The following ENTPD5 variants were observed in gnomAD, a reference collection of about 807,000 sequenced individuals.
ENTPD5 encodes the protein ectonucleoside triphosphate diphosphohydrolase 5 (inactive).
ENTPD5 carries 49 observed loss-of-function variants against 60.2 expected under a neutral mutation model. That is an observed-to-expected ratio of 0.81 (90% confidence interval 0.65 to 1.03). The LOEUF (loss-of-function observed/expected upper bound fraction) is 1.03, where lower values mean the gene tolerates loss of function less well. ENTPD5 is among the 50% of genes least tolerant of loss of function. The probability of loss-of-function intolerance (pLI) is 0.00; values close to 1 mark genes in which losing one functional copy is unlikely to be tolerated. For synonymous variants in ENTPD5, 187 were observed against 185.4 expected (o/e 1.01, Z -0.07); for missense variants, 480 against 507.6 (o/e 0.95, Z 0.52).
At chr14:73,989,781 C>A (rs565762025) in intron 3 of ENTPD5, among the ~76,000 whole-genome samples, 4 of 140,034 alleles carry the variant, frequency 2.9e-5, no homozygotes, top group African/African-American at 1.1e-4. Context: ...TGTAGCGAGC[C>A]GAGATCGTGC....
At chr14:73,971,964 A>G in intron 13 of ENTPD5, 56 bp from the exon 14 acceptor site, 1 of 1,044,096 alleles carries the variant, frequency 9.6e-7, no homozygotes, top group Non-Finnish European at 1.5e-6. Context: ...AAGCATAAGG[A>G]AATTCATTCA....
chr14:74,008,598 T>G lies in ENTPD5; in HGVS notation c.-71+2493A>C, dbSNP rs559275344. ...TTTTAGTAGAGACGGGGTTTCACAGTGTTAGCCAGGAGGGTCTCGATCTCC... is the reference window on the plus strand; with the variant it reads ...TTTTAGTAGAGACGGGGTTTCACAGGGTTAGCCAGGAGGGTCTCGATCTCC... On this transcript the variant is annotated intron_variant, in intron 3 of 15. Coordinates refer to ENST00000334696, the MANE Select transcript of ENTPD5 (RefSeq NM_001249.5). 5.3e-5 allele frequency among the ~76,000 whole-genome samples: 8 copies of G among 152,144 alleles called. No individual in the cohort carries two copies. The East Asian group carries it at 1.6e-3, about 29-fold the overall frequency.
At chr14:73,993,028 A>G (rs756183571) in intron 3 of ENTPD5, among the ~76,000 whole-genome samples, 8 of 152,092 alleles carry the variant, frequency 5.3e-5, no homozygotes, top group Non-Finnish European at 7.3e-5. Flanking sequence ...AACAAAGTTA[A>G]CTATATTTGG....
At chr14:73,996,003 A>T in intron 3 of ENTPD5, 1 of 238,404 alleles carries the variant, frequency 4.2e-6, no homozygotes, top group Non-Finnish European at 6.8e-6. Context: ...AATCCTCCCC[A>T]CTCAGCTTTC....
intron 3 of ENTPD5, among the ~76,000 whole-genome samples, chr14:73,988,549 T>C (rs746437283): frequency 3.3e-5 from 5 of 152,226 alleles, no homozygotes; most frequent in Non-Finnish European, 7.3e-5. Context: ...CTAGCTACTT[T>C]GAAATACACA....
At chr14:73,972,584 TG>T (rs1451503044) in intron 13 of ENTPD5, among the ~76,000 whole-genome samples, 1 of 152,172 alleles carries the variant, frequency 6.6e-6, no homozygotes, top group African/African-American at 2.4e-5. Context: ...ATCTTCAATG[TG>T]CTGATGGATT....
At chr14:73,974,589 T>C (rs990015983) in intron 11 of ENTPD5, among the ~76,000 whole-genome samples, 1 of 152,240 alleles carries the variant, frequency 6.6e-6, no homozygotes, top group Non-Finnish European at 1.5e-5. Flanking sequence ...CTCTGCTTCC[T>C]GTGCCTCCAA....
downstream of ENTPD5, chr14:73,958,394 A>T: frequency 6.4e-7 from 1 of 1,554,494 alleles, no homozygotes; most frequent in East Asian, 2.4e-5. Flanking sequence ...ACTTTTGGTT[A>T]TGAGGACCAG....
chr14:73,986,879 G>A lies in ENTPD5; in HGVS notation c.232C>T (p.Leu78=), dbSNP rs1207662892. ...VQKMPGQLPI[L]EGEVFDSVKP... Reference sequence around the variant, plus strand: ...ACAGAATCAAAAACTTCCCCTTCTAGAATTGGAAGCTGTCCTATTTTGTCC... The same window carrying A: ...ACAGAATCAAAAACTTCCCCTTCTAAAATTGGAAGCTGTCCTATTTTGTCC... Residue 78 remains leucine (L), a synonymous_variant, in exon 5 of 16, where the codon CTA becomes TTA. Coordinates refer to ENST00000334696, the MANE Select transcript of ENTPD5 (RefSeq NM_001249.5). 1 of 1,613,992 alleles carries A rather than the reference G, an allele frequency of 6.2e-7. No homozygotes were observed. Among genetic ancestry groups the A allele is most frequent in the African/African-American group, 1.3e-5 (1 of 75,058 alleles).
At chr14:73,983,504 G>A (rs2057774689) in intron 5 of ENTPD5, among the ~76,000 whole-genome samples, 1 of 151,386 alleles carries the variant, frequency 6.6e-6, no homozygotes, top group African/African-American at 2.4e-5. Flanking sequence ...CACACCTGTA[G>A]TCTCAGCTAC....
chr14:73,962,718 G>A, downstream of ENTPD5: 1 of 516,416 alleles, frequency 1.9e-6, no homozygotes, highest in East Asian at 3.3e-5. Context: ...ATAGGAGGCT[G>A]GGGAGGGAGG....
Position 73,988,192 on chromosome 14 carries a change from C to T in ENTPD5, c.-70-20G>A. 4.7e-6 allele frequency: 7 copies of T among 1,477,080 alleles called. No homozygotes were observed. The Admixed American group carries it at 7.6e-5, about 16-fold the overall frequency. 91.5% of individuals were successfully genotyped at this position (1,477,080 alleles called of 1,614,324 possible). ...CAGAGGCTTATAGGACAAAGACACA[C>T]AAGTTAGACCAACTAGCTTTTTTAG... On this transcript the variant is annotated intron_variant, in intron 3 of 15. Transcript: ENST00000334696.
chr14:73,984,684 TTTAA>T (rs202147431), intron 5 of ENTPD5, among the ~76,000 whole-genome samples: 1,635 of 152,070 alleles, frequency 0.011, 30 homozygotes, highest in African/African-American at 0.037. Flanking sequence ...ATTTTTCTTT[TTTAA>T]TTATTTATTT....
At chr14:74,013,830 A>G (rs565919298) in intron 2 of ENTPD5, among the ~76,000 whole-genome samples, 1 of 152,338 alleles carries the variant, frequency 6.6e-6, no homozygotes, top group Admixed American at 6.5e-5. Context: ...TATTCATTAA[A>G]TGTTTCTTAA....
downstream of ENTPD5, chr14:73,961,826 T>C: frequency 5.0e-6 from 8 of 1,614,214 alleles, no homozygotes; most frequent in Non-Finnish European, 6.8e-6. Context: ...AAAAAGGCTC[T>C]ATTCTACCAG....
At chr14:73,976,679 C>T (rs768697805) in intron 8 of ENTPD5, among the ~76,000 whole-genome samples, 1 of 151,676 alleles carries the variant, frequency 6.6e-6, no homozygotes, top group Non-Finnish European at 1.5e-5. Context: ...AATCTCGGCT[C>T]TCAGCTCACT....
chr14:73,972,959 G>T lies in ENTPD5; in HGVS notation c.952C>A (p.Pro318Thr), dbSNP rs772765891. The T allele has an allele frequency of 1.2e-6, 2 of 1,614,222 alleles. No homozygotes were observed. The highest frequency in any genetic ancestry group is 2.2e-5 in the South Asian group (2 of 91,082). ...LRVVRGKLHQ[P>T]EEVQRGSFYA... is the part of the protein sequence containing the mutation. ...AAGGAACCTCTCTGGACCTCCTCTG[G>T]CTGGTGAAGTTTTCCTCGTACCACC... Residue 318 changes from proline to threonine, a missense_variant, in exon 13 of 16, where the codon CCA becomes ACA. Coordinates refer to ENST00000334696, the MANE Select transcript of ENTPD5 (RefSeq NM_001249.5).
intron 2 of ENTPD5, among the ~76,000 whole-genome samples, chr14:74,014,100 A>C (rs2058935205): frequency 2.0e-5 from 3 of 152,140 alleles, no homozygotes; most frequent in African/African-American, 4.8e-5. Flanking sequence ...GGGATGGACA[A>C]CTAATAAAAA....
chr14:73,985,630 T>G (rs754601145), intron 5 of ENTPD5, among the ~76,000 whole-genome samples: 1 of 152,216 alleles, frequency 6.6e-6, no homozygotes, highest in Non-Finnish European at 1.5e-5. Context: ...CTTTGCAGAT[T>G]CTGGATATTA....
Sources: allele counts gnomAD v4.1 joint callset (sites outside exome capture counted in the v4.1 genomes callset), GRCh38; gene constraint gnomAD v4.1.1; transcripts MANE v1.5; gene names NCBI Gene and HGNC (gene_info 2026-07-23, HGNC 2026-07-21).